Variants in ANKRD26 observed in about 807,000 individuals in gnomAD.
ANKRD26 encodes the protein ankyrin repeat domain 26, also known as ankyrin repeat domain-containing protein 26.
In ANKRD26, 141 loss-of-function variants were observed where a neutral mutation model predicts 208.7. The observed-to-expected ratio is 0.68, with a 90% CI of 0.59 to 0.78. ANKRD26 has a LOEUF of 0.78. Among genes scored for constraint, ANKRD26 ranks in the 30% least tolerant of loss-of-function variants. The pLI is 0.00. For missense variants in ANKRD26, 1,889 were observed against 1,938.7 expected, an observed-to-expected ratio of 0.97 and a Z score of 0.48; for synonymous variants, 636 against 660.4, an observed-to-expected ratio of 0.96 and a Z score of 0.57.
At position 27,005,525 on chromosome 10, in the gene ANKRD26, C is replaced by A; in HGVS notation, c.*65G>T. 6.4e-7 allele frequency: 1 copy of A among 1,562,636 alleles called. No individual in the cohort carries two copies. Among genetic ancestry groups the A allele is most frequent in the South Asian group, 1.2e-5 (1 of 85,556 alleles). On this transcript the variant is annotated 3_prime_UTR_variant, in exon 34 of 34. Transcript: ENST00000376087. ...ACGTTCCTTTAATATTTTTACATGT[C>A]ATATATTAATATTTAATGAGAAACA...
chr10:27,040,925 G>A (rs899765195), intron 20 of ANKRD26, among the ~76,000 whole-genome samples: 5 of 152,008 alleles, frequency 3.3e-5, no homozygotes, highest in Non-Finnish European at 7.4e-5. Flanking sequence ...AGCTACTTGG[G>A]GGGGCCGAGG....
At chr10:27,098,499 A>C (rs1219821322) in intron 1 of ANKRD26, among the ~76,000 whole-genome samples, 1 of 152,204 alleles carries the variant, frequency 6.6e-6, no homozygotes, top group South Asian at 2.1e-4. Context: ...AGAAATCATA[A>C]AGAAAAAAGT....
downstream of ANKRD26, among the ~76,000 whole-genome samples, chr10:26,969,854 T>C: frequency 6.6e-6 from 1 of 151,294 alleles, no homozygotes; most frequent in East Asian, 1.9e-4. Flanking sequence ...AGATGGAGTC[T>C]CGCTCTGTTG....
chr10:27,069,562 G>A (rs768341658), intron 9 of ANKRD26, among the ~76,000 whole-genome samples: 13 of 152,020 alleles, frequency 8.6e-5, no homozygotes, highest in African/African-American at 2.2e-4. Context: ...ACCAGCCTTC[G>A]CCTTCCCAAG....
chr10:26,984,937 TACAA>T (rs2052361466), intron 3 of ANKRD26, among the ~76,000 whole-genome samples: 2 of 152,228 alleles, frequency 1.3e-5, no homozygotes, highest in Admixed American at 1.3e-4. Flanking sequence ...AGGAAAATTT[TACAA>T]ACAATTTGAA....
At chr10:26,956,246 A>G in the ANKRD26 span, among the ~76,000 whole-genome samples, 2 of 152,148 alleles carry the variant, frequency 1.3e-5, no homozygotes, top group Non-Finnish European at 1.5e-5. Flanking sequence ...TAAAAATAGG[A>G]TATTTACTTT....
intron 29 of ANKRD26, among the ~76,000 whole-genome samples, chr10:27,018,645 G>A (rs907518303): frequency 2.6e-5 from 4 of 152,002 alleles, no homozygotes; most frequent in African/African-American, 9.7e-5. Flanking sequence ...ATAATTATTG[G>A]TGTTAAGGCC....
chr10:27,082,067 AAAAAAAAGGGAG>A (rs1706195594), intron 6 of ANKRD26, among the ~76,000 whole-genome samples: 1 of 86,092 alleles, frequency 1.2e-5, no homozygotes, highest in Non-Finnish European at 2.9e-5. Flanking sequence ...AAAAAAAAAA[AAAAAAAAGGGAG>A]AGAGAGAAAC....
chr10:27,033,488 T>C (rs2053947377), intron 24 of ANKRD26, 111 bp from the exon 25 acceptor site: 4 of 1,087,748 alleles, frequency 3.7e-6, no homozygotes, highest in South Asian at 3.0e-5. Flanking sequence ...TTAAAAAATA[T>C]TACCACATAC....
At chr10:27,020,950 C>T (rs549679703) in intron 29 of ANKRD26, among the ~76,000 whole-genome samples, 4 of 151,886 alleles carry the variant, frequency 2.6e-5, no homozygotes, top group African/African-American at 7.3e-5. Flanking sequence ...CATGAGCCAC[C>T]GTACCCAGCC....
intron 17 of ANKRD26, among the ~76,000 whole-genome samples, chr10:27,048,359 A>G: frequency 1.3e-5 from 2 of 152,200 alleles, no homozygotes. Flanking sequence ...TATTATACAT[A>G]GGCTTACTGT....
chr10:27,020,722 A>G (rs542288037), intron 29 of ANKRD26, among the ~76,000 whole-genome samples: 51 of 152,216 alleles, frequency 3.4e-4, no homozygotes, highest in African/African-American at 1.2e-3. Flanking sequence ...GCAATGGTGC[A>G]ATCTTGGCTC....
rs1290402857 is a variant in ANKRD26, at chr10:27,040,155, G to C, written c.2185C>G (p.Gln729Glu). 1.2e-6 allele frequency: 2 copies of C among 1,612,100 alleles called. No homozygotes were observed. Among genetic ancestry groups the C allele is most frequent in the Admixed American group, 3.3e-5 (2 of 59,988 alleles). ...CKDSVSLLKI[Q>E]DAALSCERLL... ...CTTTCACATGAAAGAGCTGCATCCTGGATTTTCAATAGGCTAACAGAATCT... is the reference window on the plus strand; with the variant it reads ...CTTTCACATGAAAGAGCTGCATCCTCGATTTTCAATAGGCTAACAGAATCT... Residue 729 changes from glutamine (Q) to glutamate (E), a missense_variant, in exon 21 of 34, where the codon CAG (glutamine) becomes GAG (glutamate). Physicochemically the swap from Gln to Glu is conservative, Grantham distance 29. Transcript: ENST00000376087.
chr10:27,045,423 TAA>T (rs74940609), intron 18 of ANKRD26, among the ~76,000 whole-genome samples: 50 of 127,450 alleles, frequency 3.9e-4, no homozygotes, highest in Admixed American at 4.0e-4. Flanking sequence ...GACTCTGACT[TAA>T]AAAAAAAAAA....
Position 27,035,667 on chromosome 10 carries a change from A to G in ANKRD26, c.2783T>C (p.Ile928Thr). 1.3e-6 allele frequency: 2 copies of G among 1,598,698 alleles called. No homozygotes were observed. Among genetic ancestry groups the G allele is most frequent in the Non-Finnish European group, 1.7e-6 (2 of 1,175,756 alleles). Residue 928 changes from isoleucine to threonine, a missense_variant, in exon 24 of 34, where the codon ATA (isoleucine) becomes ACA (threonine). This residue lies in a region of ANKRD26 where 1,272 missense variants were observed against 1,273.8 expected (regional missense o/e 1.00). Coordinates refer to ENST00000376087, the MANE Select transcript of ANKRD26 (RefSeq NM_014915.3). ...QEEIAMLRLE[I>T]DTIKNQNQEK... ...CTGGTTTTGATTTTTTATTGTGTCTATTTCTAGTCTTAGCATAGCAATTTC... is the reference window on the plus strand; with the variant it reads ...CTGGTTTTGATTTTTTATTGTGTCTGTTTCTAGTCTTAGCATAGCAATTTC...
At chr10:26,964,862 A>G in the ANKRD26 span, among the ~76,000 whole-genome samples, 1 of 152,198 alleles carries the variant, frequency 6.6e-6, no homozygotes, top group Admixed American at 6.5e-5. Flanking sequence ...GAGATCTCTA[A>G]TATTATTAAT....
At chr10:27,009,301 C>T (rs78768787) in intron 32 of ANKRD26, among the ~76,000 whole-genome samples, 204 of 152,296 alleles carry the variant, frequency 1.3e-3, no homozygotes, top group Admixed American at 3.7e-3. Context: ...AAAGGGTCTT[C>T]TGTGTTGACA....
chr10:26,951,032 T>TC, the ANKRD26 span, among the ~76,000 whole-genome samples: 152 of 145,664 alleles, frequency 1.0e-3, 1 homozygote, highest in Non-Finnish European at 1.9e-3. Context: ...TTTTTTTTTT[T>TC]TTTTTGCAGT....
Position 27,070,979 on chromosome 10 carries a change from T to C in ANKRD26, c.1078-3693A>G, listed in dbSNP as rs184277079. On this transcript the variant is annotated intron_variant, in intron 9 of 33. Transcript: ENST00000376087. ...CATGTCCAGCCTAGAGATAATTTTG[T>C]AAACTCCCTTGGCAATCTTTCCTTC... 9.7e-4 allele frequency among the ~76,000 whole-genome samples: 147 copies of C among 152,166 alleles called. 1 individual carries two copies. The highest frequency in any genetic ancestry group is 3.4e-3 in the African/African-American group (143 of 41,504).
Sources: allele counts gnomAD v4.1 joint callset (sites outside exome capture counted in the v4.1 genomes callset), GRCh38; gene constraint gnomAD v4.1.1; regional missense constraint gnomAD v4.1.1; transcripts MANE v1.5; gene names NCBI Gene and HGNC (gene_info 2026-07-23, HGNC 2026-07-21).